The following ITPKB variants were observed in gnomAD, a reference collection of about 807,000 sequenced individuals.
The protein encoded by ITPKB is IP3 3-kinase B.
In ITPKB, 13 loss-of-function variants were observed where a neutral mutation model predicts 69.4. The observed-to-expected ratio is 0.19, with a 90% CI of 0.12 to 0.30. The LOEUF (loss-of-function observed/expected upper bound fraction) is 0.30, where lower values mean the gene tolerates loss of function less well. Ranked by LOEUF, ITPKB falls within the 10% of genes least tolerant of loss-of-function variation. The pLI, the probability that ITPKB is intolerant of heterozygous loss-of-function variation, is 1.00. For synonymous variants in ITPKB, 584 were observed against 513.7 expected (o/e 1.14, Z -1.85); for missense variants, 1,240 against 1,250.5 (o/e 0.99, Z 0.13).
chr1:226,713,313 C>A (rs1023201845), intron 2 of ITPKB, among the ~76,000 whole-genome samples: 2 of 152,166 alleles, frequency 1.3e-5, no homozygotes, highest in Non-Finnish European at 2.9e-5. Flanking sequence ...TTCCTACACA[C>A]CATGGGGCGA....
rs1461812001 is a variant in ITPKB, at chr1:226,739,192, G to A, written c.-357C>T. 2.6e-5 allele frequency: 4 copies of A among 152,224 alleles called. No homozygotes were observed. Among genetic ancestry groups the A allele is most frequent in the Non-Finnish European group, 5.9e-5 (4 of 68,038 alleles). 9.4% of individuals were successfully genotyped at this position (152,224 alleles called of 1,614,324 possible). The stretch of plus-strand genomic sequence containing the variant: ...AAAAAGAGGAGTGCGAAAGAGGGGG[G>A]AAAGCTCTTCGGTTCAGGGGCCCGG... On this transcript the variant is annotated 5_prime_UTR_variant, in exon 1 of 8. Transcript: ENST00000429204.
chr1:226,735,910 C>T lies in ITPKB; in HGVS notation c.1549G>A (p.Gly517Ser), dbSNP rs1199087761. The change falls in exon 2 of 8, where the codon GGT becomes AGT. Residue 517 changes from glycine (G) to serine (S), a missense_variant. Around this residue, in one of 2 missense-constraint regions of ITPKB, gnomAD observed 992 missense variants for 853.8 expected, o/e 1.16. Coordinates refer to ENST00000429204, the MANE Select transcript of ITPKB (RefSeq NM_002221.4). The stretch of plus-strand genomic sequence containing the variant: ...CCTGTGCCACGCGTCCAAGCCAAAC[C>T]GGCTTTCTCCATGGTGCCCTGCCAA... ...RVWQGTMEKA[G>S]LAWTRGTGVQ... 1 of 1,613,626 alleles carries T rather than the reference C, an allele frequency of 6.2e-7. No homozygotes were observed. The highest frequency in any genetic ancestry group is 8.5e-7 in the Non-Finnish European group (1 of 1,179,626).
intron 4 of ITPKB, among the ~76,000 whole-genome samples, chr1:226,645,297 T>C (rs1215771942): frequency 2.0e-5 from 3 of 152,090 alleles, no homozygotes; most frequent in African/African-American, 7.2e-5. Flanking sequence ...CTCATCCTCT[T>C]CCCTCTGCCT....
At chr1:226,724,873 G>T (rs977102563) in intron 2 of ITPKB, among the ~76,000 whole-genome samples, 2 of 152,176 alleles carry the variant, frequency 1.3e-5, no homozygotes, top group African/African-American at 4.8e-5. Flanking sequence ...AGAATCCAAC[G>T]CTCCAAATCA....
intron 2 of ITPKB, among the ~76,000 whole-genome samples, chr1:226,666,169 T>C (rs1669499593): frequency 6.6e-6 from 1 of 152,162 alleles, no homozygotes; most frequent in Non-Finnish European, 1.5e-5. Flanking sequence ...AAAGCCCTCC[T>C]TAAGGCCACA....
intron 6 of ITPKB, among the ~76,000 whole-genome samples, chr1:226,639,143 C>T (rs948255252): frequency 2.0e-5 from 3 of 151,458 alleles, no homozygotes; most frequent in Admixed American, 6.6e-5. Flanking sequence ...CTGCAACCTC[C>T]GCCTCCCAGG....
At chr1:226,703,632 C>G (rs1656730382) in intron 2 of ITPKB, among the ~76,000 whole-genome samples, 1 of 152,232 alleles carries the variant, frequency 6.6e-6, no homozygotes. Context: ...AGGCGGCCGC[C>G]CCTGTCGCCT....
At chr1:226,676,733 T>C (rs1302996698) in intron 2 of ITPKB, among the ~76,000 whole-genome samples, 7 of 152,252 alleles carry the variant, frequency 4.6e-5, no homozygotes, top group Non-Finnish European at 1.0e-4. Context: ...TACCACACCT[T>C]GACTTAAAAA....
rs977589687 is a variant in ITPKB, at chr1:226,634,569, G to C, written c.*102C>G. ...CAAAGTGTCTTGTAGTGCAGTTCAG[G>C]AGGGTCAGTCAGGTGTAAGTGAAGG... On this transcript the variant is annotated 3_prime_UTR_variant, in exon 8 of 8. Coordinates refer to ENST00000429204, the MANE Select transcript of ITPKB (RefSeq NM_002221.4). This position sits in a 1 kb window ranked among gnomAD's most constrained non-coding sequence, Gnocchi z 6.3. 2 of 652,684 alleles carry C rather than the reference G, an allele frequency of 3.1e-6. No individual in the cohort carries two copies. The highest frequency in any genetic ancestry group is 5.7e-6 in the Non-Finnish European group (2 of 351,972). The allele number at this position is 652,684 out of a possible 1,614,324, so 40.4% of individuals were successfully genotyped here. A position where few individuals can be genotyped will look rare whatever the true frequency, so the allele number is the denominator to read the frequency against.
At chr1:226,679,840 G>T (rs922375732) in intron 2 of ITPKB, among the ~76,000 whole-genome samples, 2 of 152,180 alleles carry the variant, frequency 1.3e-5, no homozygotes, top group Non-Finnish European at 2.9e-5. Flanking sequence ...CTGGGGAGAA[G>T]GTTAGGAGTC....
chr1:226,647,759 G>A (rs1412254966), intron 3 of ITPKB, among the ~76,000 whole-genome samples: 2 of 152,266 alleles, frequency 1.3e-5, no homozygotes, highest in Admixed American at 6.5e-5. Context: ...CCTGGCCTCA[G>A]TAGAGAAACC....
Position 226,737,560 on chromosome 1 carries a change from A to T in ITPKB, c.-102T>A, listed in dbSNP as rs1352605447. ...CCCGGCTCAGCCCCGGAGGCCCGGC[A>T]GCCGCGGCTCCGCGCGCAGATGGGG... On this transcript the variant is annotated 5_prime_UTR_variant, in exon 2 of 8. Coordinates refer to ENST00000429204, the MANE Select transcript of ITPKB (RefSeq NM_002221.4). 4.7e-5 allele frequency: 58 copies of T among 1,226,056 alleles called. No homozygotes were observed. The highest frequency in any genetic ancestry group is 5.4e-5 in the Non-Finnish European group (53 of 985,932). 75.9% of individuals were successfully genotyped at this position (1,226,056 alleles called of 1,614,324 possible).
In ITPKB at chr1:226,639,997, AAG is replaced by A. The variant is rs1178782875; in HGVS notation, c.2452-341_2452-340del. 5.3e-5 allele frequency among the ~76,000 whole-genome samples: 8 copies of A among 152,214 alleles called. No individual in the cohort carries two copies. The East Asian group carries it at 1.2e-3, about 22-fold the overall frequency. ...CTGTCCTGGGTGCAACAGCAGGGCC[AAG>A]AGAGAGGGTCGGCCTCGACTTCCCA... On this transcript the variant is annotated intron_variant, in intron 5 of 7. Coordinates refer to ENST00000429204, the MANE Select transcript of ITPKB (RefSeq NM_002221.4).
chr1:226,671,639 G>A (rs1669620537), intron 2 of ITPKB, among the ~76,000 whole-genome samples: 1 of 152,234 alleles, frequency 6.6e-6, no homozygotes, highest in Admixed American at 6.5e-5. Flanking sequence ...ATAAAGCCAG[G>A]TAGGGGAAAA....
At chr1:226,690,187 C>G (rs1229781091) in intron 2 of ITPKB, among the ~76,000 whole-genome samples, 5 of 152,274 alleles carry the variant, frequency 3.3e-5, no homozygotes, top group South Asian at 2.1e-4. Context: ...TTTGAGGAAT[C>G]GCCACAGTCT....
chr1:226,670,943 T>C (rs1313198733), intron 2 of ITPKB, among the ~76,000 whole-genome samples: 1 of 152,240 alleles, frequency 6.6e-6, no homozygotes, highest in Non-Finnish European at 1.5e-5. Flanking sequence ...GCTTTTACAA[T>C]GTAAAAAATA....
chr1:226,633,487 G>GA lies in ITPKB; in HGVS notation c.*1183dup, dbSNP rs1668765433. 6.6e-6 allele frequency: 1 copy of GA among 152,182 alleles called. No individual in the cohort carries two copies. The highest frequency in any genetic ancestry group is 1.5e-5 in the Non-Finnish European group (1 of 68,044). The allele number at this position is 152,182 out of a possible 1,614,324, so 9.4% of individuals were successfully genotyped here. A position where few individuals can be genotyped will look rare whatever the true frequency, so the allele number is the denominator to read the frequency against. The stretch of plus-strand genomic sequence containing the variant: ...AATTGGGCTTAAATAGGTTCTCCAC[G>GA]AATCTCCAAATGCAGAGACTTCAGG... On this transcript the variant is annotated 3_prime_UTR_variant, in exon 8 of 8. Transcript: ENST00000429204.
intron 2 of ITPKB, among the ~76,000 whole-genome samples, chr1:226,682,405 A>G (rs1239919838): frequency 6.6e-6 from 1 of 152,242 alleles, no homozygotes; most frequent in African/African-American, 2.4e-5. Context: ...AAGGCAAGGT[A>G]GCAACATAGA....
chr1:226,631,718 T>C lies in ITPKB; in HGVS notation c.*2953A>G, dbSNP rs534349177. The C allele has an allele frequency of 6.5e-6, 1 of 152,780 alleles. No individual in the cohort carries two copies. Among genetic ancestry groups the C allele is most frequent in the South Asian group, 2.1e-4 (1 of 4,812 alleles). The allele number at this position is 152,780 out of a possible 1,614,324, so 9.5% of individuals were successfully genotyped here. A position where few individuals can be genotyped will look rare whatever the true frequency, so the allele number is the denominator to read the frequency against. On this transcript the variant is annotated 3_prime_UTR_variant, in exon 8 of 8. Transcript: ENST00000429204. ...TCTCCAAGGCTTTATTCAGGAAGGT[T>C]TGCATCTGTTTGACAGGCACTGTGC...
Sources: allele counts gnomAD v4.1 joint callset (sites outside exome capture counted in the v4.1 genomes callset), GRCh38; gene constraint gnomAD v4.1.1; regional missense constraint gnomAD v4.1.1; non-coding constraint Gnocchi (gnomAD v3.1); transcripts MANE v1.5; gene names NCBI Gene and HGNC (gene_info 2026-07-23, HGNC 2026-07-21).